Variants in SLC4A11 observed in about 807,000 individuals in gnomAD.
The protein encoded by SLC4A11 is bicarbonate transporter related protein 1.
SLC4A11 carries 74 observed loss-of-function variants against 95.0 expected under a neutral mutation model. The ratio of observed to expected loss-of-function variants is 0.78; its 90% CI spans 0.65 to 0.95. The LOEUF is 0.95. Ranked by LOEUF, SLC4A11 falls within the 40% of genes least tolerant of loss-of-function variation. The probability of loss-of-function intolerance (pLI) is 0.00; values close to 1 mark genes in which losing one functional copy is unlikely to be tolerated. For missense variants in SLC4A11, 1,081 were observed against 1,192.4 expected, an observed-to-expected ratio of 0.91 and a Z score of 1.38; for synonymous variants, 548 against 519.0, an observed-to-expected ratio of 1.06 and a Z score of -0.76.
Position 3,229,356 on chromosome 20 carries a change from C to T in SLC4A11, c.1839G>A (p.Arg613=). Reference sequence around the variant, plus strand: ...CCGGCCCCAACTCACTCTCGATTTCCCGGAAGCCATGGGAGCTGATGAGGG... The same window carrying T: ...CCGGCCCCAACTCACTCTCGATTTCTCGGAAGCCATGGGAGCTGATGAGGG... ...AFSLISSHGF[R]EIEMSKFRYN... is the part of the protein sequence containing the mutation. The change falls in exon 15 of 20, where the codon CGG becomes CGA. Residue 613 remains arginine, a synonymous_variant. Coordinates refer to ENST00000642402, the MANE Select transcript of SLC4A11 (RefSeq NM_001174089.2). 2 of 1,613,280 alleles carry T rather than the reference C, an allele frequency of 1.2e-6. No individual in the cohort carries two copies. Among genetic ancestry groups the T allele is most frequent in the African/African-American group, 1.3e-5 (1 of 75,050 alleles).
At chr20:3,239,316 C>T, upstream of SLC4A11, 1 of 1,163,928 alleles carries the variant, frequency 8.6e-7, no homozygotes, top group Non-Finnish European at 1.1e-6. Flanking sequence ...CTGCCGAGGG[C>T]TGGGACCCGG....
At chr20:3,227,948 A>G (rs2122489937) in intron 19 of SLC4A11, 92 bp from the exon 20 acceptor site, 1 of 827,200 alleles carries the variant, frequency 1.2e-6, no homozygotes, top group Non-Finnish European at 1.6e-6. Context: ...CCACAGGGCC[A>G]GGCTAGGCCT....
intron 16 of SLC4A11, 39 bp downstream of exon 16, chr20:3,229,056 C>A: frequency 6.4e-7 from 1 of 1,554,390 alleles, no homozygotes; most frequent in Non-Finnish European, 8.7e-7. Flanking sequence ...CAGCAGAGGC[C>A]CGGGCCCCGC....
At position 3,234,442 on chromosome 20, in the gene SLC4A11, C is replaced by G. The variant is rs6133022; in HGVS notation, c.291+126G>C. ...CCCAGCCCCCAGCCCTGGGCTGGTGCGAGCTCCCTGTTGAGCTGCTCCTGG... is the reference window on the plus strand; with the variant it reads ...CCCAGCCCCCAGCCCTGGGCTGGTGGGAGCTCCCTGTTGAGCTGCTCCTGG... On this transcript the variant is annotated intron_variant, in intron 4 of 19. Transcript: ENST00000642402. This position sits in a 1 kb window ranked among gnomAD's most constrained non-coding sequence, Gnocchi z 5.8. The G allele has an allele frequency of 2.7e-6, 4 of 1,508,328 alleles. No homozygotes were observed. In the African/African-American group the frequency reaches 5.5e-5, roughly 21 times the overall value. 93.4% of individuals were successfully genotyped at this position (1,508,328 alleles called of 1,614,324 possible). A position where few individuals can be genotyped will look rare whatever the true frequency, so the allele number is the denominator to read the frequency against.
In SLC4A11 at chr20:3,238,221, G is replaced by A. The variant is rs2068050601; in HGVS notation, c.44-633C>T. 3.6e-6 allele frequency: 5 copies of A among 1,397,380 alleles called. No individual in the cohort carries two copies. In the Admixed American group the frequency reaches 9.5e-5, roughly 26 times the overall value. The allele number at this position is 1,397,380 out of a possible 1,614,324, so 86.6% of individuals were successfully genotyped here. On this transcript the variant is annotated intron_variant, in intron 1 of 19. Coordinates refer to ENST00000642402, the MANE Select transcript of SLC4A11 (RefSeq NM_001174089.2). ...ATTGGGGGTGGGAGGAGTATCTGAG[G>A]GACACATGGGTCGGGGGAGGCTGCG...
chr20:3,227,815 T>C lies in SLC4A11; in HGVS notation c.2600A>G (p.Asp867Gly). 1 of 1,613,200 alleles carries C rather than the reference T, an allele frequency of 6.2e-7. No homozygotes were observed. Among genetic ancestry groups the C allele is most frequent in the Non-Finnish European group, 8.5e-7 (1 of 1,179,914 alleles). Residue 867 changes from aspartate to glycine, a missense_variant, in exon 20 of 20, where the codon GAT becomes GGT. By Grantham distance (94) the Asp-to-Gly change is moderately conservative. This residue lies in a region of SLC4A11 where 767 missense variants were observed against 858.0 expected (regional missense o/e 0.89). Transcript: ENST00000642402. Reference protein sequence around the residue: ...LPRIIEAKYLDVMDAEHRP With the variant: ...LPRIIEAKYLGVMDAEHRP ...AGGCCTGTGCTCAGCGTCCATGACATCCAAGTACTTGGCTTCAATGATTCG... is the reference window on the plus strand; with the variant it reads ...AGGCCTGTGCTCAGCGTCCATGACACCCAAGTACTTGGCTTCAATGATTCG...
chr20:3,230,827 G>C lies in SLC4A11; in HGVS notation c.1187C>G (p.Ala396Gly). 1.9e-6 allele frequency: 3 copies of C among 1,613,370 alleles called. No individual in the cohort carries two copies. The highest frequency in any genetic ancestry group is 2.5e-6 in the Non-Finnish European group (3 of 1,179,950). The change falls in exon 11 of 20, where the codon GCC (alanine) becomes GGC (glycine). Residue 396 changes from alanine to glycine, a missense_variant. Transcript: ENST00000642402. ...DGAIDVQKTI[A>G]GQSIGGLLYA... Reference sequence around the variant, plus strand: ...GAGCAGGCCCCCGATGCTCTGCCCGGCTATGGTCTTCTGCACGTCTGTGGG... The same window carrying C: ...GAGCAGGCCCCCGATGCTCTGCCCGCCTATGGTCTTCTGCACGTCTGTGGG...
chr20:3,228,737 T>C, intron 17 of SLC4A11, 30 bp from the exon 18 acceptor site: 1 of 1,612,634 alleles, frequency 6.2e-7, no homozygotes. Context: ...GAGTGTCACC[T>C]CTGCGCCCCT....
At position 3,228,252 on chromosome 20, in the gene SLC4A11, C is replaced by T. The variant is rs763683161; in HGVS notation, c.2558+7G>A. 1 of 1,612,322 alleles carries T rather than the reference C, an allele frequency of 6.2e-7. No homozygotes were observed. Among genetic ancestry groups the T allele is most frequent in the South Asian group, 1.1e-5 (1 of 91,018 alleles). On this transcript the variant is annotated splice_region_variant and intron_variant, in intron 19 of 19. Coordinates refer to ENST00000642402, the MANE Select transcript of SLC4A11 (RefSeq NM_001174089.2). ...GCCCCTCCTGCCCACTGCCCACCCG[C>T]CTGTACCGGATGGGGATCATGGCGA... is the stretch of plus-strand genomic sequence containing the variant.
intron 16 of SLC4A11, 35 bp downstream of exon 16, chr20:3,229,060 G>GGGCCCCCCCCCCCCCCC: frequency 1.3e-6 from 2 of 1,542,054 alleles, no homozygotes; most frequent in Non-Finnish European, 1.7e-6. Context: ...AGAGGCCCGG[G>GGGCCCCCCCCCCCCCCC]CCCCGCCCAC....
In SLC4A11 at chr20:3,234,277, G is replaced by A. The variant is rs761618167; in HGVS notation, c.329C>T (p.Ala110Val). 34 of 1,613,862 alleles carry A rather than the reference G, an allele frequency of 2.1e-5. No homozygotes were observed. Among genetic ancestry groups the A allele is most frequent in the Middle Eastern group, 1.6e-4 (1 of 6,084 alleles). Reference protein sequence around the residue: ...KLKNFKEEIRAHRDLDGFLAQ... With the variant: ...KLKNFKEEIRVHRDLDGFLAQ... ...CAGGAAGCCATCTAGGTCGCGGTGC[G>A]CACGGATCTCTTCCTTGAAGTTCTT... The change falls in exon 5 of 20, where the codon GCG becomes GTG. Residue 110 changes from alanine (A) to valine (V), a missense_variant. This residue lies in a region of SLC4A11 where 310 missense variants were observed against 313.5 expected (regional missense o/e 0.99). Coordinates refer to ENST00000642402, the MANE Select transcript of SLC4A11 (RefSeq NM_001174089.2). The surrounding 1 kb of genome is among the most constrained non-coding windows in gnomAD (Gnocchi z 5.8).
chr20:3,227,703 C>G lies in SLC4A11; in HGVS notation c.*84G>C. 6.9e-7 allele frequency: 1 copy of G among 1,449,558 alleles called. No homozygotes were observed. The highest frequency in any genetic ancestry group is 9.6e-7 in the Non-Finnish European group (1 of 1,046,576). 89.8% of individuals were successfully genotyped at this position (1,449,558 alleles called of 1,614,324 possible). A position where few individuals can be genotyped will look rare whatever the true frequency, so the allele number is the denominator to read the frequency against. ...GCGCAGCACAGAGCAGTCACCCACA[C>G]ACCTACACCTCCCCTCACAGCTCCA... On this transcript the variant is annotated 3_prime_UTR_variant, in exon 20 of 20. Transcript: ENST00000642402.
chr20:3,234,700 C>CCCG lies in SLC4A11; in HGVS notation c.241+39_241+41dup, dbSNP rs1257179106. On this transcript the variant is annotated intron_variant, in intron 3 of 19. Coordinates refer to ENST00000642402, the MANE Select transcript of SLC4A11 (RefSeq NM_001174089.2). This position sits in a 1 kb window ranked among gnomAD's most constrained non-coding sequence, Gnocchi z 5.8. ...GTAAGGCGAGTCACACCTGCCCAGT[C>CCCG]CCGTGCCTTCCCCCAGTCTGCCCCT... is the stretch of plus-strand genomic sequence containing the variant. 1.9e-6 allele frequency: 3 copies of CCCG among 1,613,884 alleles called. No individual in the cohort carries two copies. In the South Asian group the frequency reaches 3.3e-5, roughly 18 times the overall value.
intron 1 of SLC4A11, chr20:3,237,940 G>T: frequency 1.3e-6 from 2 of 1,550,626 alleles, no homozygotes; most frequent in South Asian, 2.4e-5. Flanking sequence ...CCCCGCTGCA[G>T]CGAGAGGAAG....
Position 3,229,725 on chromosome 20 carries a change from CT to C in SLC4A11, c.1540del (p.Arg514GlyfsTer104). 2 of 1,613,994 alleles carry C rather than the reference CT, an allele frequency of 1.2e-6. No homozygotes were observed. The highest frequency in any genetic ancestry group is 1.3e-5 in the African/African-American group (1 of 75,046). On this transcript the variant is annotated frameshift_variant, in exon 14 of 20. Transcript: ENST00000642402. LOFTEE classifies it high-confidence loss of function. ...TGACAGGCTGACAAGGGATGAAGTC[CT>C]TTTTGTGTGATAGTCGTCCAAGTAA... is the stretch of plus-strand genomic sequence containing the variant. ...GHYLDDYHTK[R>X]TSSLVSLSGL...
At position 3,229,669 on chromosome 20, in the gene SLC4A11, G is replaced by A; in HGVS notation, c.1597C>T (p.His533Tyr). Residue 533 changes from histidine (H) to tyrosine (Y), a missense_variant, in exon 14 of 20, where the codon CAC becomes TAC. Physicochemically the swap from His to Tyr is moderately conservative, Grantham distance 83 (BLOSUM62 2). Transcript: ENST00000642402. ...AGGAAGCTGGCGTTGAGGGCAGTGT[G>A]GAGGCTGGCGTTGAGGCTGGCGCCG... ...GLGASLNASL[H>Y]TALNASFLAS... The A allele has an allele frequency of 6.2e-7, 1 of 1,613,888 alleles. No homozygotes were observed.
chr20:3,232,582 G>A (rs892855257), intron 7 of SLC4A11, among the ~76,000 whole-genome samples: 4 of 152,150 alleles, frequency 2.6e-5, no homozygotes, highest in African/African-American at 9.7e-5. Context: ...TGGTGGTGGC[G>A]GGTGCCTGTA....
At chr20:3,233,714 C>G (rs1477421194) in intron 6 of SLC4A11, 77 bp from the exon 7 acceptor site, 9 of 1,597,182 alleles carry the variant, frequency 5.6e-6, no homozygotes, top group Non-Finnish European at 7.7e-6. Flanking sequence ...ACCCCCTCGA[C>G]CTTGACCCCT....
rs367998766 is a variant in SLC4A11, at chr20:3,229,328, C to T, written c.1849+18G>A. The T allele has an allele frequency of 5.8e-5, 93 of 1,613,024 alleles. No individual in the cohort carries two copies. The highest frequency in any genetic ancestry group is 1.8e-4 in the Admixed American group (11 of 60,002). ...TGGGGAGCTACCCCACGTCACCCAC[C>T]GCCCGGCCCCAACTCACTCTCGATT... On this transcript the variant is annotated intron_variant, in intron 15 of 19. Transcript: ENST00000642402.
Sources: allele counts gnomAD v4.1 joint callset (sites outside exome capture counted in the v4.1 genomes callset), GRCh38; gene constraint gnomAD v4.1.1; regional missense constraint gnomAD v4.1.1; non-coding constraint Gnocchi (gnomAD v3.1); transcripts MANE v1.5; gene names NCBI Gene and HGNC (gene_info 2026-07-23, HGNC 2026-07-21).